The following KAT6B variants were observed in gnomAD, a reference collection of about 807,000 sequenced individuals.
KAT6B encodes the protein lysine acetyltransferase 6B, also known as histone acetyltransferase KAT6B.
A neutral mutation model predicts 187.5 loss-of-function variants in KAT6B; 10 were observed. The observed-to-expected ratio is 0.05, with a 90% CI of 0.03 to 0.09. The LOEUF (loss-of-function observed/expected upper bound fraction) is 0.09, where lower values mean the gene tolerates loss of function less well. Among genes scored for constraint, KAT6B ranks in the 10% least tolerant of loss-of-function variants. KAT6B has a pLI of 1.00. For synonymous variants in KAT6B, 861 were observed against 926.8 expected (o/e 0.93, Z 1.29); for missense variants, 1,952 against 2,558.9 (o/e 0.76, Z 5.12).
intron 3 of KAT6B, among the ~76,000 whole-genome samples, chr10:74,952,291 G>GA (rs397699452): frequency 0.013 from 1 of 80 alleles, no homozygotes; most frequent in Non-Finnish European, 0.025. Flanking sequence ...TGGAGATCGA[G>GA]CTGGAGTGAG....
At chr10:74,942,306 T>C (rs568592877) in intron 3 of KAT6B, among the ~76,000 whole-genome samples, 4 of 152,178 alleles carry the variant, frequency 2.6e-5, no homozygotes, top group African/African-American at 9.6e-5. Flanking sequence ...AAAGGGTTTA[T>C]CCAGAAATAC....
intron 3 of KAT6B, among the ~76,000 whole-genome samples, chr10:74,859,923 C>T (rs1448270904): frequency 1.3e-5 from 2 of 152,154 alleles, no homozygotes; most frequent in Non-Finnish European, 2.9e-5. Context: ...TGAACACAAG[C>T]CTGCAGGCAG....
chr10:74,881,286 C>G (rs1589538738), intron 3 of KAT6B, among the ~76,000 whole-genome samples: 1 of 152,228 alleles, frequency 6.6e-6, no homozygotes, highest in East Asian at 1.9e-4. Flanking sequence ...ACTGGACAGC[C>G]TCGTTTTTCT....
Position 74,976,142 on chromosome 10 carries a change from C to T in KAT6B, c.1805C>T (p.Ser602Phe), listed in dbSNP as rs773974070. ...DIRSRFISHSSSSSWGMARGS... is the reference protein window; with the variant it reads ...DIRSRFISHSFSSSWGMARGS... ...AGAAGTCGGTTTATTTCTCACTCCTCCTCCTCTAGCTGGGGGATGGCTAGA... is the reference window on the plus strand; with the variant it reads ...AGAAGTCGGTTTATTTCTCACTCCTTCTCCTCTAGCTGGGGGATGGCTAGA... The change falls in exon 8 of 18, where the codon TCC becomes TTC. Residue 602 changes from serine (S) to phenylalanine (F), a missense_variant. By Grantham distance (155) the Ser-to-Phe change is radical (BLOSUM62 -2). Transcript: ENST00000287239. 3 of 1,614,190 alleles carry T rather than the reference C, an allele frequency of 1.9e-6. No individual in the cohort carries two copies. The highest frequency in any genetic ancestry group is 2.5e-6 in the Non-Finnish European group (3 of 1,180,024).
At chr10:74,867,781 G>A (rs1843658740) in intron 3 of KAT6B, among the ~76,000 whole-genome samples, 1 of 152,208 alleles carries the variant, frequency 6.6e-6, no homozygotes, top group Admixed American at 6.5e-5. Flanking sequence ...GCTGCTCCAT[G>A]TGGCTTGGTT....
At chr10:74,910,658 C>T (rs1392684501) in intron 3 of KAT6B, among the ~76,000 whole-genome samples, 1 of 150,364 alleles carries the variant, frequency 6.7e-6, no homozygotes, top group Non-Finnish European at 1.5e-5. Flanking sequence ...TATCTGCATC[C>T]TTCTCACTCT....
chr10:74,892,969 C>T (rs1462395069), intron 3 of KAT6B, among the ~76,000 whole-genome samples: 1 of 152,204 alleles, frequency 6.6e-6, no homozygotes, highest in Non-Finnish European at 1.5e-5. Flanking sequence ...TCCTGTGGGC[C>T]TGGTGGTCTA....
chr10:74,924,647 G>C (rs923630526), intron 3 of KAT6B, among the ~76,000 whole-genome samples: 1 of 152,194 alleles, frequency 6.6e-6, no homozygotes, highest in Non-Finnish European at 1.5e-5. Flanking sequence ...TTGTAAAAAT[G>C]TAAAGGTTAC....
At chr10:75,012,849 C>T (rs2134075580) in intron 13 of KAT6B, among the ~76,000 whole-genome samples, 1 of 152,298 alleles carries the variant, frequency 6.6e-6, no homozygotes, top group Non-Finnish European at 1.5e-5. Flanking sequence ...GAGTCACACT[C>T]CTGCCATACA....
chr10:74,955,352 T>C (rs919926608), intron 3 of KAT6B, among the ~76,000 whole-genome samples: 1 of 150,186 alleles, frequency 6.7e-6, no homozygotes, highest in Non-Finnish European at 1.5e-5. Context: ...TCAGTTTAGA[T>C]CTTTTTTGAG....
intron 12 of KAT6B, among the ~76,000 whole-genome samples, chr10:74,985,787 G>T (rs537722367): frequency 6.6e-6 from 1 of 152,068 alleles, no homozygotes; most frequent in African/African-American, 2.4e-5. Flanking sequence ...TGGCTTACGC[G>T]TGTAATCCCA....
At chr10:74,963,210 A>G (rs1841224228) in intron 4 of KAT6B, among the ~76,000 whole-genome samples, 1 of 152,244 alleles carries the variant, frequency 6.6e-6, no homozygotes, top group South Asian at 2.1e-4. Context: ...CTTGACTTTC[A>G]TGGATCAGCC....
At chr10:74,952,527 C>T (rs952572595) in intron 3 of KAT6B, among the ~76,000 whole-genome samples, 3 of 152,118 alleles carry the variant, frequency 2.0e-5, no homozygotes, top group Non-Finnish European at 2.9e-5. Flanking sequence ...CTGGAAGTTC[C>T]TCCATCTCAC....
At chr10:74,950,007 T>C (rs1840209593) in intron 3 of KAT6B, among the ~76,000 whole-genome samples, 2 of 152,148 alleles carry the variant, frequency 1.3e-5, no homozygotes, top group South Asian at 4.1e-4. Context: ...AGATACTTAA[T>C]CCACAGAGCT....
At chr10:74,966,084 G>A (rs1176726982) in intron 4 of KAT6B, among the ~76,000 whole-genome samples, 1 of 152,100 alleles carries the variant, frequency 6.6e-6, no homozygotes, top group Non-Finnish European at 1.5e-5. Context: ...CGAGATCCTG[G>A]TTTTCTTGCT....
At chr10:74,920,022 GTCT>G (rs927574173) in intron 3 of KAT6B, among the ~76,000 whole-genome samples, 2 of 152,018 alleles carry the variant, frequency 1.3e-5, no homozygotes, top group Non-Finnish European at 2.9e-5. Context: ...GTTCCTGTGG[GTCT>G]TCTTCTGTAG....
intron 3 of KAT6B, among the ~76,000 whole-genome samples, chr10:74,901,392 G>T (rs1846386681): frequency 6.6e-6 from 1 of 152,198 alleles, no homozygotes; most frequent in African/African-American, 2.4e-5. Context: ...TTCACTGCAG[G>T]CCTCTGAAGC....
chr10:75,030,045 A>G lies in KAT6B; in HGVS notation c.5221A>G (p.Ser1741Gly), dbSNP rs886047245. 2.5e-6 allele frequency: 4 copies of G among 1,614,148 alleles called. No individual in the cohort carries two copies. Among genetic ancestry groups the G allele is most frequent in the Non-Finnish European group, 3.4e-6 (4 of 1,180,012 alleles). The change falls in exon 18 of 18, where the codon AGC (serine) becomes GGC (glycine). Residue 1741 changes from serine to glycine, a missense_variant. Physicochemically the swap from Ser to Gly is moderately conservative, Grantham distance 56 (BLOSUM62 0). Transcript: ENST00000287239. This position sits in a 1 kb window ranked among gnomAD's most constrained non-coding sequence, Gnocchi z 4.8. ...CAGCATGCTGCAGCAAACCAGCATC[A>G]GCTCCCCTCCGACCTGCAGCGTCAA... ...SCSMLQQTSISSPPTCSVKSP... is the reference protein window; with the variant it reads ...SCSMLQQTSIGSPPTCSVKSP...
At chr10:74,927,600 A>T (rs149512559) in intron 3 of KAT6B, among the ~76,000 whole-genome samples, 1 of 152,062 alleles carries the variant, frequency 6.6e-6, no homozygotes, top group Admixed American at 6.6e-5. Flanking sequence ...GAAATGGGGC[A>T]GCCTCAAAGG....
Sources: allele counts gnomAD v4.1 joint callset (sites outside exome capture counted in the v4.1 genomes callset), GRCh38; gene constraint gnomAD v4.1.1; non-coding constraint Gnocchi (gnomAD v3.1); transcripts MANE v1.5; gene names NCBI Gene and HGNC (gene_info 2026-07-23, HGNC 2026-07-21).